The following AGBL4 variants were observed in gnomAD, a reference collection of about 807,000 sequenced individuals.
AGBL4 encodes cytosolic carboxypeptidase 6.
AGBL4 carries 58 observed loss-of-function variants against 66.4 expected under a neutral mutation model. The ratio of observed to expected loss-of-function variants is 0.87; its 90% CI spans 0.71 to 1.09. AGBL4 has a LOEUF of 1.09. AGBL4 is among the 50% of genes least tolerant of loss of function. The probability of loss-of-function intolerance (pLI) is 0.00; values close to 1 mark genes in which losing one functional copy is unlikely to be tolerated. For synonymous variants in AGBL4, 234 were observed against 222.9 expected (o/e 1.05, Z -0.44); for missense variants, 579 against 631.0 (o/e 0.92, Z 0.88).
intron 8 of AGBL4, among the ~76,000 whole-genome samples, chr1:48,649,610 A>G (rs999725066): frequency 6.6e-6 from 1 of 152,234 alleles, no homozygotes; most frequent in African/African-American, 2.4e-5. Flanking sequence ...CTATCATGGT[A>G]TAGTGGCCAT....
At chr1:49,950,100 A>ATGTG (rs1655995684) in intron 1 of AGBL4, among the ~76,000 whole-genome samples, 1 of 143,132 alleles carries the variant, frequency 7.0e-6, no homozygotes, top group African/African-American at 2.5e-5. Context: ...ATATACACAT[A>ATGTG]TATATACATA....
chr1:48,642,031 T>G (rs1260114795), intron 8 of AGBL4, among the ~76,000 whole-genome samples: 2 of 152,080 alleles, frequency 1.3e-5, no homozygotes, highest in Non-Finnish European at 2.9e-5. Context: ...AGGTGCCATT[T>G]CTGGGTGGGT....
chr1:49,147,451 T>C (rs1266054953), intron 4 of AGBL4, among the ~76,000 whole-genome samples: 1 of 152,176 alleles, frequency 6.6e-6, no homozygotes, highest in East Asian at 1.9e-4. Context: ...TGCCACTAGC[T>C]AGATCTTATC....
At chr1:49,780,663 T>C (rs1475547918) in intron 2 of AGBL4, among the ~76,000 whole-genome samples, 1 of 152,072 alleles carries the variant, frequency 6.6e-6, no homozygotes, top group South Asian at 2.1e-4. Context: ...AGTATAAATA[T>C]GAACTAAATT....
intron 6 of AGBL4, among the ~76,000 whole-genome samples, chr1:48,684,390 C>T (rs1247299556): frequency 6.6e-6 from 1 of 152,184 alleles, no homozygotes; most frequent in African/African-American, 2.4e-5. Flanking sequence ...GTCTTCAGCC[C>T]CCGCCAGAGC....
chr1:49,635,366 GCTAA>G (rs1645651667), intron 3 of AGBL4, among the ~76,000 whole-genome samples: 1 of 152,044 alleles, frequency 6.6e-6, no homozygotes, highest in Admixed American at 6.6e-5. Flanking sequence ...CCTAAAAAGA[GCTAA>G]CTGTCAAGGT....
intron 3 of AGBL4, among the ~76,000 whole-genome samples, chr1:49,313,414 G>A (rs1044087005): frequency 1.3e-5 from 2 of 152,012 alleles, no homozygotes; most frequent in African/African-American, 4.8e-5. Flanking sequence ...TGGGTCAAAT[G>A]GTATTTCTGG....
chr1:48,654,704 G>A (rs1645990331), intron 7 of AGBL4, among the ~76,000 whole-genome samples: 1 of 152,206 alleles, frequency 6.6e-6, no homozygotes, highest in Non-Finnish European at 1.5e-5. Flanking sequence ...CTCAGCTCTT[G>A]GAATGATAAC....
intron 9 of AGBL4, among the ~76,000 whole-genome samples, chr1:48,617,441 G>A (rs2148390446): frequency 6.6e-6 from 1 of 152,278 alleles, no homozygotes; most frequent in South Asian, 2.1e-4. Flanking sequence ...TGGCCAAAAT[G>A]ATGAAATTCA....
At chr1:48,987,933 G>T (rs547658163) in intron 5 of AGBL4, among the ~76,000 whole-genome samples, 1 of 152,068 alleles carries the variant, frequency 6.6e-6, no homozygotes, top group Non-Finnish European at 1.5e-5. Flanking sequence ...TTTTTCTCAT[G>T]CTGGGCACTC....
intron 9 of AGBL4, among the ~76,000 whole-genome samples, chr1:48,608,383 T>C (rs1180644539): frequency 2.0e-5 from 3 of 152,208 alleles, no homozygotes; most frequent in Non-Finnish European, 4.4e-5. Context: ...ACAACTTATT[T>C]TTCCTCTCTT....
At chr1:48,954,615 G>A (rs1657281068) in intron 5 of AGBL4, among the ~76,000 whole-genome samples, 1 of 152,170 alleles carries the variant, frequency 6.6e-6, no homozygotes, top group African/African-American at 2.4e-5. Context: ...ATAACATATG[G>A]ATTTTGTTTC....
intron 6 of AGBL4, among the ~76,000 whole-genome samples, chr1:48,844,540 T>C (rs1646871344): frequency 6.6e-6 from 1 of 152,250 alleles, no homozygotes; most frequent in South Asian, 2.1e-4. Flanking sequence ...AAGACAAAGA[T>C]TGATAAACAC....
chr1:49,314,927 C>T (rs182401327), intron 3 of AGBL4, among the ~76,000 whole-genome samples: 10 of 152,262 alleles, frequency 6.6e-5, no homozygotes, highest in Admixed American at 1.3e-4. Context: ...ACCATTCTAA[C>T]TGCTGTGAGA....
chr1:48,627,743 G>T (rs905348628), intron 9 of AGBL4, among the ~76,000 whole-genome samples: 5 of 152,082 alleles, frequency 3.3e-5, no homozygotes, highest in African/African-American at 1.2e-4. Context: ...GCTGAGGAGG[G>T]CCTTTCTCCT....
intron 3 of AGBL4, among the ~76,000 whole-genome samples, chr1:49,375,905 C>G (rs1219497405): frequency 6.6e-6 from 1 of 152,052 alleles, no homozygotes; most frequent in African/African-American, 2.4e-5. Context: ...TGCCTCTCTC[C>G]TTAGCCCATG....
chr1:49,008,359 G>C (rs1002317418), intron 5 of AGBL4, among the ~76,000 whole-genome samples: 7 of 151,898 alleles, frequency 4.6e-5, no homozygotes, highest in Non-Finnish European at 7.4e-5. Context: ...CAATACAGGA[G>C]CACCCAGATT....
At chr1:49,893,568 A>G (rs34719715) in intron 1 of AGBL4, among the ~76,000 whole-genome samples, 18,729 of 152,192 alleles carry the variant, frequency 0.12, 1,480 homozygotes, top group Non-Finnish European at 0.17. Context: ...TTAAGCGAAC[A>G]TTGACAATAG....
chr1:49,135,633 A>T (rs1645995651), intron 4 of AGBL4, among the ~76,000 whole-genome samples: 1 of 152,204 alleles, frequency 6.6e-6, no homozygotes, highest in South Asian at 2.1e-4. Flanking sequence ...TTAAAGGAAT[A>T]GGTTGGGCTA....
Sources: gnomAD v4.1 joint callset for allele counts (sites outside exome capture counted in the v4.1 genomes callset) on GRCh38, gnomAD v4.1.1 for gene constraint, MANE v1.5 for transcripts, NCBI Gene and HGNC (gene_info 2026-07-23, HGNC 2026-07-21) for gene names.